The following DCP1B variants were observed in gnomAD, a reference collection of about 807,000 sequenced individuals.
The protein encoded by DCP1B is decapping mRNA 1B.
In DCP1B, 47 loss-of-function variants were observed where a neutral mutation model predicts 60.5. The ratio of observed to expected loss-of-function variants is 0.78; its 90% confidence interval spans 0.61 to 0.99. The LOEUF is 0.99. Ranked by LOEUF, DCP1B falls within the 50% of genes least tolerant of loss-of-function variation. The pLI is 0.00. For synonymous variants in DCP1B, 267 were observed against 280.3 expected (o/e 0.95, Z 0.47); for missense variants, 725 against 756.8 (o/e 0.96, Z 0.49).
rs2154457793 is a variant in DCP1B at position 1,971,267 on chromosome 12, A to C, written c.320-3357T>G. 1.2e-6 allele frequency: 1 copy of C among 836,102 alleles called. No homozygotes were observed. Among genetic ancestry groups the C allele is most frequent in the Non-Finnish European group, 1.7e-6 (1 of 585,096 alleles). The allele number at this position is 836,102 out of a possible 1,614,324, so 51.8% of individuals were successfully genotyped here. A position where few individuals can be genotyped will look rare whatever the true frequency, so the allele number is the denominator to read the frequency against. On this transcript the variant is annotated intron_variant, in intron 3 of 8. Transcript: ENST00000280665. The surrounding 1 kb of genome is among the most constrained non-coding windows in gnomAD (Gnocchi z 4.2). The stretch of plus-strand genomic sequence containing the variant: ...GTTGAAATTTACTCTAAATATCCTA[A>C]TGATACCTAGAATGTGACTTCCTCA...
intron 5 of DCP1B, among the ~76,000 whole-genome samples, chr12:1,965,327 A>G (rs1010510526): frequency 7.2e-5 from 11 of 152,202 alleles, no homozygotes; most frequent in African/African-American, 2.7e-4. Flanking sequence ...CATGAAGGCT[A>G]TTGTATATAT....
intron 3 of DCP1B, among the ~76,000 whole-genome samples, chr12:1,977,680 A>G (rs2034851815): frequency 1.3e-5 from 2 of 152,218 alleles, no homozygotes; most frequent in South Asian, 4.1e-4. Flanking sequence ...TGCCTTCTCA[A>G]TAGCCTAGAT....
intron 3 of DCP1B, chr12:1,992,850 A>C: frequency 2.5e-6 from 1 of 395,406 alleles, no homozygotes; most frequent in Non-Finnish European, 4.5e-6. Context: ...ACACTTTGTC[A>C]GCTCACTCGG....
At chr12:1,972,018 A>C (rs1182163052) in intron 3 of DCP1B, among the ~76,000 whole-genome samples, 1 of 152,262 alleles carries the variant, frequency 6.6e-6, no homozygotes, top group Non-Finnish European at 1.5e-5. Context: ...TTAAATAGGC[A>C]GGACATCTGA....
At chr12:2,004,240 C>A (rs1244906388) in intron 1 of DCP1B, 42 bp downstream of exon 1, 1 of 1,610,202 alleles carries the variant, frequency 6.2e-7, no homozygotes, top group Non-Finnish European at 8.5e-7. Flanking sequence ...CCCGCCTCCA[C>A]CCCAACCCTG....
chr12:1,946,257 A>G lies in DCP1B; in HGVS notation c.1803T>C (p.Tyr601=). 6.2e-7 allele frequency: 1 copy of G among 1,608,424 alleles called. No homozygotes were observed. Among genetic ancestry groups the G allele is most frequent in the Non-Finnish European group, 8.5e-7 (1 of 1,177,986 alleles). ...QNDDNFLNII[Y]EAYLFSMTQA... ...GAGTCATGCTGAAGAGATAGGCTTCATAGATTATATTTAAGAAGTTGTCAT... is the reference window on the plus strand; with the variant it reads ...GAGTCATGCTGAAGAGATAGGCTTCGTAGATTATATTTAAGAAGTTGTCAT... Residue 601 remains tyrosine (Y), a synonymous_variant, in exon 9 of 9, where the codon TAT becomes TAC. Transcript: ENST00000280665.
At chr12:1,991,541 G>A (rs2039415789) in intron 3 of DCP1B, 2 of 241,106 alleles carry the variant, frequency 8.3e-6, no homozygotes, top group East Asian at 2.3e-4. Context: ...TAATAATTGA[G>A]GTTTTTTCCT....
rs753704287 is a variant in DCP1B, at chr12:1,967,884, C to T, written c.346G>A (p.Asp116Asn). Reference protein sequence around the residue: ...RLSIYGIWFYDKEECQRIAEL... With the variant: ...RLSIYGIWFYNKEECQRIAEL... ...GCAATTCTTTGGCATTCTTCCTTAT[C>T]ATAAAACCAAATTCCATAGATGGAC... is the stretch of plus-strand genomic sequence containing the variant. The change falls in exon 4 of 9, where the codon GAT becomes AAT. Residue 116 changes from aspartate to asparagine, a missense_variant. Transcript: ENST00000280665. 1.9e-6 allele frequency: 3 copies of T among 1,612,950 alleles called. No individual in the cohort carries two copies. The highest frequency in any genetic ancestry group is 1.7e-6 in the Non-Finnish European group (2 of 1,179,742).
At chr12:1,949,558 C>CA (rs1271778211) in intron 7 of DCP1B, among the ~76,000 whole-genome samples, 2 of 152,248 alleles carry the variant, frequency 1.3e-5, no homozygotes, top group Non-Finnish European at 2.9e-5. Flanking sequence ...CTTTCCACTG[C>CA]ATATGCAGCT....
At chr12:1,972,958 C>T (rs1261087804) in intron 3 of DCP1B, among the ~76,000 whole-genome samples, 1 of 152,214 alleles carries the variant, frequency 6.6e-6, no homozygotes, top group African/African-American at 2.4e-5. Context: ...TGCTGGCATC[C>T]ATAGATGGGA....
At chr12:1,950,271 G>C in intron 7 of DCP1B, 1 of 696,324 alleles carries the variant, frequency 1.4e-6, no homozygotes, top group Non-Finnish European at 2.6e-6. Flanking sequence ...ATTTCGAGGA[G>C]CGGTGCTGAG....
At chr12:1,999,485 G>C (rs1162003016) in intron 1 of DCP1B, among the ~76,000 whole-genome samples, 1 of 152,206 alleles carries the variant, frequency 6.6e-6, no homozygotes, top group Non-Finnish European at 1.5e-5. Flanking sequence ...GCTGAGGCAG[G>C]CAGGAGGATC....
rs186414198 is a variant in DCP1B, at chr12:1,998,617, G to C, written c.151-642C>G. Among the ~76,000 whole-genome samples, 361 of 152,306 alleles carry C rather than the reference G, an allele frequency of 2.4e-3. 3 individuals carry two copies. Among genetic ancestry groups the C allele is most frequent in the African/African-American group, 8.1e-3 (337 of 41,568 alleles). ...GTTAGGACTCAAGAAATCTGCCTGA[G>C]AAAATCTGGGAGAGGTGGTAAAGTT... On this transcript the variant is annotated intron_variant, in intron 1 of 8. Coordinates refer to ENST00000280665, the MANE Select transcript of DCP1B (RefSeq NM_152640.5).
At chr12:1,950,443 T>C (rs1046925579) in intron 7 of DCP1B, 1 of 700,464 alleles carries the variant, frequency 1.4e-6, no homozygotes, top group African/African-American at 1.7e-5. Flanking sequence ...ATGCTTCTAA[T>C]TCTAAATCAT....
At position 1,976,008 on chromosome 12, in the gene DCP1B, A is replaced by C. The variant is rs560070890; in HGVS notation, c.320-8098T>G. 3.2e-4 allele frequency among the ~76,000 whole-genome samples: 48 copies of C among 152,312 alleles called. 1 individual carries two copies. The East Asian group carries it at 8.5e-3, about 27-fold the overall frequency. On this transcript the variant is annotated intron_variant, in intron 3 of 8. Coordinates refer to ENST00000280665, the MANE Select transcript of DCP1B (RefSeq NM_152640.5). ...CTGGTGTCACAACTCAACACACAGA[A>C]AAATAGAAATACGAAATCCAGAGAT...
intron 5 of DCP1B, among the ~76,000 whole-genome samples, chr12:1,960,071 T>C (rs1010028354): frequency 3.3e-5 from 5 of 152,106 alleles, no homozygotes; most frequent in African/African-American, 1.2e-4. Flanking sequence ...GAAATCAGTA[T>C]GTTGAAGAGA....
chr12:1,961,084 G>A lies in DCP1B; in HGVS notation c.522+4474C>T, dbSNP rs549339981. 9.2e-5 allele frequency among the ~76,000 whole-genome samples: 14 copies of A among 152,248 alleles called. No individual in the cohort carries two copies. The South Asian group carries it at 2.7e-3, about 29-fold the overall frequency. On this transcript the variant is annotated intron_variant, in intron 5 of 8. Transcript: ENST00000280665. ...ACCTAGTTAGGCCGGCCAAAAATAA[G>A]GTGATGGAAAAAGAACATCTGAAAC...
At chr12:1,965,296 G>GTA (rs2031255175) in intron 5 of DCP1B, among the ~76,000 whole-genome samples, 1 of 152,074 alleles carries the variant, frequency 6.6e-6, no homozygotes, top group Non-Finnish European at 1.5e-5. Flanking sequence ...TACCAGTTGT[G>GTA]TATATGAAGG....
chr12:1,957,336 A>G (rs2030919344), intron 5 of DCP1B, among the ~76,000 whole-genome samples: 1 of 152,244 alleles, frequency 6.6e-6, no homozygotes, highest in South Asian at 2.1e-4. Context: ...TTTTAATCAC[A>G]CACAAACACA....
Sources: allele counts gnomAD v4.1 joint callset (sites outside exome capture counted in the v4.1 genomes callset), GRCh38; gene constraint gnomAD v4.1.1; non-coding constraint Gnocchi (gnomAD v3.1); transcripts MANE v1.5; gene names NCBI Gene and HGNC (gene_info 2026-07-23, HGNC 2026-07-21).